The following MYO16 variants were observed in gnomAD, a reference collection of about 807,000 sequenced individuals.
MYO16 encodes myosin XVI.
A neutral mutation model predicts 205.3 loss-of-function variants in MYO16; 94 were observed. The ratio of observed to expected loss-of-function variants is 0.46; its 90% CI spans 0.39 to 0.54. MYO16 has a LOEUF of 0.54. Among genes scored for constraint, MYO16 ranks in the 20% least tolerant of loss-of-function variants. The pLI is 0.00. For missense variants in MYO16, 2,315 were observed against 2,387.5 expected, an observed-to-expected ratio of 0.97 and a Z score of 0.63; for synonymous variants, 988 against 954.0, an observed-to-expected ratio of 1.04 and a Z score of -0.66.
At chr13:108,993,403 T>C (rs1368862802) in intron 21 of MYO16, among the ~76,000 whole-genome samples, 1 of 152,172 alleles carries the variant, frequency 6.6e-6, no homozygotes, top group East Asian at 1.9e-4. Flanking sequence ...ACTCTCATAC[T>C]GTATATGATT....
rs1210308827 is a variant in MYO16 at position 109,206,833 on chromosome 13, T to C, written c.5640T>C (p.Ile1880=). 1.2e-6 allele frequency: 2 copies of C among 1,613,620 alleles called. No individual in the cohort carries two copies. Among genetic ancestry groups the C allele is most frequent in the South Asian group, 1.1e-5 (1 of 91,012 alleles). The part of the protein sequence containing the change: ...RLPSELWDTT[I] ...CGTCTGAGCTCTGGGACACCACCAT[T>C]TGATGTGGCCTGAACTGCAGACTTA... Residue 1880 remains isoleucine (I), a synonymous_variant, in exon 35 of 35, where the codon ATT becomes ATC. Coordinates refer to ENST00000457511, the MANE Select transcript of MYO16 (RefSeq NM_001198950.3).
At chr13:108,605,465 G>A (rs537201614) in intron 1 of MYO16, among the ~76,000 whole-genome samples, 1 of 152,162 alleles carries the variant, frequency 6.6e-6, no homozygotes, top group Non-Finnish European at 1.5e-5. Flanking sequence ...TTGGGTGAGG[G>A]TCCACGTGGG....
chr13:108,694,350 A>G (rs1342817234), intron 2 of MYO16, among the ~76,000 whole-genome samples: 5 of 152,208 alleles, frequency 3.3e-5, no homozygotes, highest in African/African-American at 1.2e-4. Context: ...GTTTTTAATA[A>G]CTACTAAACT....
At chr13:108,704,663 T>C (rs866566719) in intron 2 of MYO16, among the ~76,000 whole-genome samples, 1 of 152,228 alleles carries the variant, frequency 6.6e-6, no homozygotes. Context: ...CGTTTTACAA[T>C]TGATAAACCT....
At chr13:108,862,952 A>G (rs922378711) in intron 11 of MYO16, among the ~76,000 whole-genome samples, 2 of 152,168 alleles carry the variant, frequency 1.3e-5, no homozygotes, top group Non-Finnish European at 2.9e-5. Context: ...TTGAGGACAT[A>G]ATAAATGTTT....
At chr13:108,694,364 T>G (rs761288889) in intron 2 of MYO16, among the ~76,000 whole-genome samples, 3 of 152,246 alleles carry the variant, frequency 2.0e-5, no homozygotes, top group Non-Finnish European at 2.9e-5. Flanking sequence ...CTAAACTGTT[T>G]TCTACAGTGG....
At chr13:109,037,073 G>T (rs1160665207) in intron 23 of MYO16, among the ~76,000 whole-genome samples, 1 of 152,200 alleles carries the variant, frequency 6.6e-6, no homozygotes, top group East Asian at 1.9e-4. Context: ...TGACACTCCA[G>T]ACTCAAAAAG....
chr13:108,511,325 T>C, the MYO16 span, among the ~76,000 whole-genome samples: 1 of 110,806 alleles, frequency 9.0e-6, no homozygotes, highest in Admixed American at 9.1e-5. Context: ...GGGTTGTTTG[T>C]TTTTTTCTTG....
intron 1 of MYO16, among the ~76,000 whole-genome samples, chr13:108,635,312 T>G (rs1594162169): frequency 6.6e-6 from 1 of 152,186 alleles, no homozygotes; most frequent in East Asian, 1.9e-4. Context: ...TGGTTTCCTG[T>G]GGGGCTCTCC....
At chr13:108,606,614 A>T (rs754725246) in intron 1 of MYO16, among the ~76,000 whole-genome samples, 7 of 152,198 alleles carry the variant, frequency 4.6e-5, no homozygotes, top group Non-Finnish European at 8.8e-5. Context: ...ATCCAGGTAG[A>T]AGTCTGCTGC....
chr13:109,048,409 A>ATTT, intron 24 of MYO16: 8 of 548,758 alleles, frequency 1.5e-5, no homozygotes, highest in East Asian at 6.5e-5. Flanking sequence ...GAGGTGTCAG[A>ATTT]TTTTTTTTTT....
chr13:108,714,617 T>C (rs953980779), intron 3 of MYO16, among the ~76,000 whole-genome samples: 1 of 142,400 alleles, frequency 7.0e-6, no homozygotes, highest in Non-Finnish European at 1.5e-5. Flanking sequence ...TGTGTGTATA[T>C]ATATAGAGAG....
chr13:108,903,559 A>G (rs573940168), intron 15 of MYO16, among the ~76,000 whole-genome samples: 8 of 152,316 alleles, frequency 5.3e-5, no homozygotes, highest in Admixed American at 2.6e-4. Context: ...TGCAACAAAG[A>G]GTAACAGAGA....
intron 5 of MYO16, among the ~76,000 whole-genome samples, chr13:108,786,307 G>T (rs992251791): frequency 6.6e-6 from 1 of 152,220 alleles, no homozygotes; most frequent in African/African-American, 2.4e-5. Flanking sequence ...ACCGACAAAG[G>T]ATGTTTAATT....
At chr13:108,503,538 T>C in the MYO16 span, among the ~76,000 whole-genome samples, 1 of 152,082 alleles carries the variant, frequency 6.6e-6, no homozygotes, top group Non-Finnish European at 1.5e-5. Flanking sequence ...TCTTTGAAGA[T>C]CATTCAAGTG....
chr13:108,799,494 G>T (rs1320166840), intron 6 of MYO16, among the ~76,000 whole-genome samples: 1 of 152,204 alleles, frequency 6.6e-6, no homozygotes, highest in Non-Finnish European at 1.5e-5. Flanking sequence ...ATGCTATCTT[G>T]AGGTATTTGC....
At chr13:109,100,065 T>C (rs1225227366) in intron 27 of MYO16, among the ~76,000 whole-genome samples, 1 of 152,174 alleles carries the variant, frequency 6.6e-6, no homozygotes, top group South Asian at 2.1e-4. Context: ...TTTCTCCTCT[T>C]CCTCCTCCTC....
intron 20 of MYO16, among the ~76,000 whole-genome samples, chr13:108,966,894 G>T (rs1441786208): frequency 1.3e-5 from 2 of 151,982 alleles, no homozygotes; most frequent in Non-Finnish European, 2.9e-5. Flanking sequence ...CTTAGAATAG[G>T]CTCTTGTTGT....
At chr13:108,889,882 G>A (rs1313896417) in intron 14 of MYO16, among the ~76,000 whole-genome samples, 6 of 152,084 alleles carry the variant, frequency 3.9e-5, no homozygotes, top group East Asian at 3.9e-4. Context: ...CTGCAAACAC[G>A]TGGCCAAAAT....
Sources: allele counts gnomAD v4.1 joint callset (sites outside exome capture counted in the v4.1 genomes callset), GRCh38; gene constraint gnomAD v4.1.1; transcripts MANE v1.5; gene names NCBI Gene and HGNC (gene_info 2026-07-23, HGNC 2026-07-21).